ZMYND8: variants seen among roughly 807,000 people sequenced by gnomAD.
ZMYND8 encodes MYND-type zinc finger-containing chromatin reader ZMYND8.
A neutral mutation model predicts 140.8 loss-of-function variants in ZMYND8; 37 were observed. The ratio of observed to expected loss-of-function variants is 0.26; its 90% CI spans 0.20 to 0.35. The LOEUF (loss-of-function observed/expected upper bound fraction) is 0.35. Ranked by LOEUF, ZMYND8 falls within the 10% of genes least tolerant of loss-of-function variation. The pLI is 1.00. For missense variants in ZMYND8, 1,068 were observed against 1,570.0 expected, an observed-to-expected ratio of 0.68 and a Z score of 5.40; for synonymous variants, 592 against 597.1, an observed-to-expected ratio of 0.99 and a Z score of 0.12.
At chr20:47,292,366 T>C (rs1038962344) in intron 5 of ZMYND8, among the ~76,000 whole-genome samples, 13 of 151,934 alleles carry the variant, frequency 8.6e-5, no homozygotes, top group Non-Finnish European at 1.9e-4. Context: ...ATTTAGCCTA[T>C]GAAAATCGAA....
chr20:47,210,635 C>T lies in ZMYND8; in HGVS notation c.*126G>A, dbSNP rs13038771. On this transcript the variant is annotated 3_prime_UTR_variant, in exon 23 of 23. Coordinates refer to ENST00000471951, the MANE Select transcript of ZMYND8 (RefSeq NM_001281775.3). ...GCAGCCCCCGCGCCGGGGGCTCAGG[C>T]TCAACTGAGGGTTTTGTCATTTTCA... 3 of 1,544,516 alleles carry T rather than the reference C, an allele frequency of 1.9e-6. No individual in the cohort carries two copies. Among genetic ancestry groups the T allele is most frequent in the African/African-American group, 2.7e-5 (2 of 73,114 alleles).
At chr20:47,334,491 A>G (rs573930882) in intron 2 of ZMYND8, among the ~76,000 whole-genome samples, 88 of 152,112 alleles carry the variant, frequency 5.8e-4, no homozygotes, top group African/African-American at 2.0e-3. Flanking sequence ...TGCCAGGCAC[A>G]GGGGTAACGG....
chr20:47,276,765 G>A lies in ZMYND8; in HGVS notation c.1029C>T (p.Leu343=). 1 of 1,612,418 alleles carries A rather than the reference G, an allele frequency of 6.2e-7. No individual in the cohort carries two copies. Among genetic ancestry groups the A allele is most frequent in the South Asian group, 1.1e-5 (1 of 91,032 alleles). Reference sequence around the variant, plus strand: ...CAGAAAAAGGAATTTCTTTAGACATGAGGTAGCAATTATTTATTGGAACCC... The same window carrying A: ...CAGAAAAAGGAATTTCTTTAGACATAAGGTAGCAATTATTTATTGGAACCC... The part of the protein sequence containing the change: ...RAWVPINNCY[L]MSKEIPFSVK... The change falls in exon 11 of 23, where the codon CTC becomes CTT. Residue 343 remains leucine, a synonymous_variant. Transcript: ENST00000471951.
Position 47,212,650 on chromosome 20 carries a change from G to A in ZMYND8, c.3560C>T (p.Ala1187Val). The A allele has an allele frequency of 6.2e-7, 1 of 1,613,928 alleles. No homozygotes were observed. The highest frequency in any genetic ancestry group is 8.5e-7 in the Non-Finnish European group (1 of 1,179,882). ...TDHQPHPNYP[A>V]QKYHSRSNKS... ...GACAGGTTCATACTTACACTTCTGG[G>A]CGGGGTAGTTGGGGTGCGGCTGGTG... Residue 1187 changes from alanine to valine, a missense_variant, in exon 22 of 23, where the codon GCC becomes GTC. Coordinates refer to ENST00000471951, the MANE Select transcript of ZMYND8 (RefSeq NM_001281775.3).
At chr20:47,335,978 C>CA (rs1475074810) in intron 2 of ZMYND8, among the ~76,000 whole-genome samples, 8 of 152,170 alleles carry the variant, frequency 5.3e-5, no homozygotes, top group African/African-American at 1.9e-4. Flanking sequence ...CTTGGGCTGT[C>CA]AGAGATAGAG....
Position 47,282,092 on chromosome 20 carries a change from TA to T in ZMYND8, c.998+9del. The T allele has an allele frequency of 6.2e-7, 1 of 1,608,998 alleles. No homozygotes were observed. The highest frequency in any genetic ancestry group is 1.7e-5 in the Admixed American group (1 of 58,914). On this transcript the variant is annotated intron_variant, in intron 10 of 22. Transcript: ENST00000471951. ...AAGCTACATGTTCCAAGCCTGTTATTAACTCCCACCTGTCATGTTGTCCAAA... is the reference window on the plus strand; with the variant it reads ...AAGCTACATGTTCCAAGCCTGTTATTACTCCCACCTGTCATGTTGTCCAAA...
In ZMYND8 at chr20:47,220,272, G is replaced by A; in HGVS notation, c.3470C>T (p.Ser1157Phe). The A allele has an allele frequency of 6.4e-7, 1 of 1,563,298 alleles. No homozygotes were observed. Among genetic ancestry groups the A allele is most frequent in the Non-Finnish European group, 8.7e-7 (1 of 1,152,896 alleles). ...RETPSSILLGSNQGSVSKRCD... is the reference protein window; with the variant it reads ...RETPSSILLGFNQGSVSKRCD... ...GGGCAACATACCAGAGCCTTGGTTG[G>A]AGCCTAAGAGAATGGAGGAGGGCGT... Residue 1157 changes from serine to phenylalanine, a missense_variant, in exon 21 of 23, where the codon TCC (serine) becomes TTC (phenylalanine). Physicochemically the swap from Ser to Phe is radical, Grantham distance 155. Around this residue, in one of 10 missense-constraint regions of ZMYND8, gnomAD observed 180 missense variants for 187.8 expected, o/e 0.96. Transcript: ENST00000471951.
At chr20:47,238,119 G>T (rs73910803) in intron 15 of ZMYND8, 3,141 of 152,910 alleles carry the variant, frequency 0.021, 63 homozygotes, top group African/African-American at 0.053. Context: ...GCTCACAGTA[G>T]AAAAAAAACT....
chr20:47,354,670 T>G (rs893648279), intron 1 of ZMYND8: 30 of 152,208 alleles, frequency 2.0e-4, no homozygotes, highest in African/African-American at 6.8e-4. Flanking sequence ...GAAAAAAGAT[T>G]ACTGACTCCA....
Position 47,294,795 on chromosome 20 carries a change from C to T in ZMYND8, c.454-16G>A, listed in dbSNP as rs6066270. The T allele has an allele frequency of 0.29, 467,357 of 1,607,632 alleles. 71,150 individuals are homozygous for T. The highest frequency in any genetic ancestry group is 0.32 in the Non-Finnish European group (372,657 of 1,174,480). On this transcript the variant is annotated splice_polypyrimidine_tract_variant and intron_variant, in intron 4 of 22. Coordinates refer to ENST00000471951, the MANE Select transcript of ZMYND8 (RefSeq NM_001281775.3). ...CTGTAATTTTCTACAAAGTCAAAGT[C>T]ATACATAAACGTCCGGTTAGAAAAA...
intron 1 of ZMYND8, chr20:47,348,417 A>AT: frequency 5.7e-6 from 1 of 175,596 alleles, no homozygotes; most frequent in South Asian, 1.3e-4. Flanking sequence ...GGGAAAAAAA[A>AT]GATACAGGTT....
chr20:47,356,568 G>C, intron 1 of ZMYND8, 89 bp downstream of exon 1: 1 of 1,613,778 alleles, frequency 6.2e-7, no homozygotes, highest in Non-Finnish European at 8.5e-7. Context: ...AGTGTGGCAC[G>C]GCCAGCCACA....
chr20:47,224,687 G>T (rs973427965), intron 18 of ZMYND8, 131 bp from the exon 19 acceptor site: 78 of 1,489,892 alleles, frequency 5.2e-5, no homozygotes, highest in Non-Finnish European at 6.7e-5. Context: ...GTGTGCCCAT[G>T]GGCAATAACC....
At chr20:47,224,587 C>G in intron 18 of ZMYND8, 31 bp from the exon 19 acceptor site, 1 of 1,608,932 alleles carries the variant, frequency 6.2e-7, no homozygotes, top group Non-Finnish European at 8.5e-7. Context: ...CACCGCTCAT[C>G]ACCTGACCCC....
At chr20:47,300,029 G>A (rs1200830073) in intron 3 of ZMYND8, among the ~76,000 whole-genome samples, 1 of 152,190 alleles carries the variant, frequency 6.6e-6, no homozygotes, top group Non-Finnish European at 1.5e-5. Context: ...ATGGCAGAAA[G>A]ATGAGATGGG....
intron 2 of ZMYND8, among the ~76,000 whole-genome samples, chr20:47,344,001 A>G (rs948368441): frequency 5.2e-5 from 6 of 115,312 alleles, no homozygotes; most frequent in Non-Finnish European, 8.4e-5. Context: ...GTCTCATTCT[A>G]TCTCCCAGAC....
At chr20:47,349,989 CTG>C in intron 1 of ZMYND8, 1 of 1,505,466 alleles carries the variant, frequency 6.6e-7, no homozygotes, top group East Asian at 2.5e-5. Context: ...AGGAATGCTG[CTG>C]AGAGACGAGG....
chr20:47,307,348 C>T (rs2078571771), intron 3 of ZMYND8, among the ~76,000 whole-genome samples: 1 of 151,804 alleles, frequency 6.6e-6, no homozygotes, highest in South Asian at 2.1e-4. Context: ...ATCCCAGCTA[C>T]TCAGGAGGCT....
chr20:47,235,360 T>C (rs2039089179), intron 16 of ZMYND8, among the ~76,000 whole-genome samples: 1 of 152,126 alleles, frequency 6.6e-6, no homozygotes, highest in Non-Finnish European at 1.5e-5. Flanking sequence ...CACTCTCACA[T>C]GACGCTGAGA....
Sources: allele counts gnomAD v4.1 joint callset (sites outside exome capture counted in the v4.1 genomes callset), GRCh38; gene constraint gnomAD v4.1.1; regional missense constraint gnomAD v4.1.1; transcripts MANE v1.5; gene names NCBI Gene and HGNC (gene_info 2026-07-23, HGNC 2026-07-21).